Variants in GTF3C2 observed in about 807,000 individuals in gnomAD.
The protein encoded by GTF3C2 is general transcription factor IIIC subunit 2, also known as general transcription factor 3C polypeptide 2.
GTF3C2 carries 17 observed loss-of-function variants against 117.4 expected under a neutral mutation model. The ratio of observed to expected loss-of-function variants is 0.14; its 90% CI spans 0.10 to 0.22. The LOEUF (loss-of-function observed/expected upper bound fraction) is 0.22. Among genes scored for constraint, GTF3C2 ranks in the 10% least tolerant of loss-of-function variants. The probability of loss-of-function intolerance (pLI) is 1.00; values close to 1 mark genes in which losing one functional copy is unlikely to be tolerated. For missense variants in GTF3C2, 888 were observed against 1,143.6 expected (o/e 0.78, Z 3.22); for synonymous variants, 437 against 427.0 (o/e 1.02, Z -0.29).
At chr2:27,352,054 C>T (rs1412700340) in intron 1 of GTF3C2, among the ~76,000 whole-genome samples, 1 of 152,220 alleles carries the variant, frequency 6.6e-6, no homozygotes, top group Non-Finnish European at 1.5e-5. Context: ...TACCCACTAT[C>T]ACTTTTATTC....
chr2:27,335,788 T>C (rs1248405548), intron 9 of GTF3C2, 82 bp from the exon 10 acceptor site: 3 of 1,098,930 alleles, frequency 2.7e-6, no homozygotes, highest in East Asian at 2.6e-5. Context: ...CCTGAAATAC[T>C]GTATGAAGTT....
chr2:27,350,368 G>A, intron 1 of GTF3C2: 4 of 967,110 alleles, frequency 4.1e-6, no homozygotes, highest in Non-Finnish European at 4.9e-6. Flanking sequence ...AGCTCTTCAG[G>A]GGATTCTGAC....
intron 1 of GTF3C2, among the ~76,000 whole-genome samples, chr2:27,348,207 C>T (rs1680986937): frequency 6.6e-6 from 1 of 150,428 alleles, no homozygotes; most frequent in Non-Finnish European, 1.5e-5. Context: ...GCAGAGGTTG[C>T]AGTGAGCCAA....
chr2:27,356,174 C>A (rs1681369583), intron 1 of GTF3C2: 1 of 1,066,026 alleles, frequency 9.4e-7, no homozygotes, highest in South Asian at 1.3e-5. Flanking sequence ...CAACTTGCCA[C>A]GGGACAAAAG....
At position 27,335,821 on chromosome 2, in the gene GTF3C2, C is replaced by A. The variant is rs568613417; in HGVS notation, c.1467+96G>T. 113 of 1,069,852 alleles carry A rather than the reference C, an allele frequency of 1.1e-4. No homozygotes were observed. The South Asian group carries it at 1.3e-3, about 13-fold the overall frequency. 66.3% of individuals were successfully genotyped at this position (1,069,852 alleles called of 1,614,324 possible). ...GTTGCTGGAAAAACTCCATCCACTA[C>A]ACTCCAACCTTCGTTCCTTCAACTC... On this transcript the variant is annotated intron_variant, in intron 9 of 18. Coordinates refer to ENST00000264720, the Ensembl canonical transcript of GTF3C2.
rs764659218 is a variant in GTF3C2 at position 27,342,281 on chromosome 2, C to A, written c.570-48G>T. 2.7e-6 allele frequency: 4 copies of A among 1,486,320 alleles called. No individual in the cohort carries two copies. In the East Asian group the frequency reaches 6.9e-5, roughly 26 times the overall value. 92.1% of individuals were successfully genotyped at this position (1,486,320 alleles called of 1,614,324 possible). A position where few individuals can be genotyped will look rare whatever the true frequency, so the allele number is the denominator to read the frequency against. On this transcript the variant is annotated intron_variant, in intron 3 of 18. Transcript: ENST00000264720. ...AGCCATTCTCACATATGACTGAGAA[C>A]CCACGTTTCCAGACATGGTTGATTT...
At position 27,328,092 on chromosome 2, in the gene GTF3C2, C is replaced by T. The variant is rs746123007; in HGVS notation, c.2354G>A (p.Arg785Gln). Residue 785 changes from arginine (R) to glutamine (Q), a missense_variant, in exon 17 of 19, where the codon CGA (arginine) becomes CAA (glutamine). Around this residue, in one of 7 missense-constraint regions of GTF3C2, gnomAD observed 129 missense variants for 156.0 expected, o/e 0.83. Transcript: ENST00000264720. ...ATGGTTGACAGTTTCAGTGTAAGTT[C>T]GAGCCTTAGGAGGGTTGGGGACCCC... 8.7e-6 allele frequency: 14 copies of T among 1,612,070 alleles called. No homozygotes were observed. In the Admixed American group the frequency reaches 1.0e-4, roughly 12 times the overall value.
chr2:27,346,989 T>A (rs1680940326), intron 1 of GTF3C2, among the ~76,000 whole-genome samples: 1 of 152,192 alleles, frequency 6.6e-6, no homozygotes. Flanking sequence ...AGCCACCATG[T>A]CTGGCCAAGA....
exon 3 of GTF3C2, chr2:27,343,009 A>G: frequency 6.2e-7 from 1 of 1,614,166 alleles, no homozygotes; most frequent in Non-Finnish European, 8.5e-7. Context: ...GGATTGATCT[A>G]AGAGACCAGG....
chr2:27,353,180 G>A (rs1681195672), intron 1 of GTF3C2, among the ~76,000 whole-genome samples: 1 of 152,074 alleles, frequency 6.6e-6, no homozygotes, highest in South Asian at 2.1e-4. Flanking sequence ...AGATCATGAG[G>A]TCAGGAGATC....
At chr2:27,353,318 G>A (rs1428773770) in intron 1 of GTF3C2, among the ~76,000 whole-genome samples, 1 of 150,592 alleles carries the variant, frequency 6.6e-6, no homozygotes, top group Non-Finnish European at 1.5e-5. Context: ...GCTTGCAGGA[G>A]GTTGCAGTGA....
rs572927438 is a variant in GTF3C2, at chr2:27,329,349, T to A, written c.1877+30A>T. Reference sequence around the variant, plus strand: ...AAGTCAGCCTGTCCCAGTCTTCACCTTCCCCCTCCACATACCTCCTATTCC... The same window carrying A: ...AAGTCAGCCTGTCCCAGTCTTCACCATCCCCCTCCACATACCTCCTATTCC... On this transcript the variant is annotated intron_variant, in intron 13 of 18. Transcript: ENST00000264720. This position sits in a 1 kb window ranked among gnomAD's most constrained non-coding sequence, Gnocchi z 4.5. The A allele has an allele frequency of 1.2e-6, 2 of 1,613,926 alleles. No individual in the cohort carries two copies. The highest frequency in any genetic ancestry group is 2.2e-5 in the East Asian group (1 of 44,884).
At chr2:27,338,043 T>C (rs1680561063) in intron 4 of GTF3C2, 23 bp from the exon 5 acceptor site, 2 of 1,440,006 alleles carry the variant, frequency 1.4e-6, no homozygotes, top group Non-Finnish European at 2.0e-6. Context: ...TTGAAGAAAA[T>C]ATAAGGGAGC....
intron 7 of GTF3C2, among the ~76,000 whole-genome samples, chr2:27,336,989 G>A (rs1286710635): frequency 6.6e-6 from 1 of 152,134 alleles, no homozygotes; most frequent in Non-Finnish European, 1.5e-5. Flanking sequence ...AGGCTAGTCT[G>A]TCCAGGTCTA....
intron 1 of GTF3C2, chr2:27,356,468 C>T: frequency 4.1e-6 from 1 of 242,330 alleles, no homozygotes; most frequent in East Asian, 8.4e-5. Context: ...AGCGCCTACG[C>T]CCGGACACAG....
At chr2:27,343,223 G>A (rs1028886695) in intron 2 of GTF3C2, 76 bp from the exon 3 acceptor site, 11 of 1,528,144 alleles carry the variant, frequency 7.2e-6, no homozygotes, top group Non-Finnish European at 8.9e-6. Context: ...CTGTACCCAG[G>A]TTTGTAAGAT....
At chr2:27,349,283 G>C (rs1681038619) in intron 1 of GTF3C2, among the ~76,000 whole-genome samples, 1 of 151,672 alleles carries the variant, frequency 6.6e-6, no homozygotes, top group South Asian at 2.1e-4. Context: ...GAGTAGCTGG[G>C]ACTACAGGCG....
exon 19 of GTF3C2, chr2:27,326,434 C>T: frequency 3.4e-6 from 2 of 582,060 alleles, no homozygotes; most frequent in Non-Finnish European, 6.2e-6. Flanking sequence ...TCTCATGAGC[C>T]ATAGTCTTAG....
chr2:27,326,662 G>A (rs1404234565), exon 19 of GTF3C2: 1 of 1,598,882 alleles, frequency 6.3e-7, no homozygotes, highest in Non-Finnish European at 8.6e-7. Context: ...CAAGGATCTG[G>A]TGTGGGCCAA....
Sources: gnomAD v4.1 joint callset for allele counts (sites outside exome capture counted in the v4.1 genomes callset) on GRCh38, gnomAD v4.1.1 for gene constraint, gnomAD v4.1.1 regional missense constraint, Gnocchi (gnomAD v3.1) non-coding constraint, MANE v1.5 for transcripts, NCBI Gene and HGNC (gene_info 2026-07-23, HGNC 2026-07-21) for gene names.